Variants in LCA5 observed in about 807,000 individuals in gnomAD.
The protein encoded by LCA5 is lebercilin.
LCA5 carries 37 observed loss-of-function variants against 53.0 expected under a neutral mutation model. The ratio of observed to expected loss-of-function variants is 0.70; its 90% CI spans 0.54 to 0.92. The LOEUF (loss-of-function observed/expected upper bound fraction) is 0.92, where lower values mean the gene tolerates loss of function less well. Ranked by LOEUF, LCA5 falls within the 40% of genes least tolerant of loss-of-function variation. The probability of loss-of-function intolerance (pLI) is 0.00; values close to 1 mark genes in which losing one functional copy is unlikely to be tolerated. For synonymous variants in LCA5, 303 were observed against 282.9 expected (o/e 1.07, Z -0.71); for missense variants, 806 against 790.5 (o/e 1.02, Z -0.23).
At chr6:79,505,792 A>C (rs1164523436) in intron 3 of LCA5, among the ~76,000 whole-genome samples, 1 of 152,184 alleles carries the variant, frequency 6.6e-6, no homozygotes, top group Non-Finnish European at 1.5e-5. Context: ...CCAAGCCACT[A>C]GAGCAAAATA....
intron 3 of LCA5, among the ~76,000 whole-genome samples, chr6:79,512,174 A>C (rs991995426): frequency 2.0e-5 from 3 of 152,160 alleles, no homozygotes; most frequent in Admixed American, 1.3e-4. Flanking sequence ...AACTGTTCTG[A>C]GTCCCCACTC....
chr6:79,486,713 C>G lies in LCA5; in HGVS notation c.*291G>C. The G allele has an allele frequency of 3.5e-6, 1 of 287,864 alleles. No homozygotes were observed. Among genetic ancestry groups the G allele is most frequent in the Non-Finnish European group, 6.4e-6 (1 of 156,340 alleles). 17.8% of individuals were successfully genotyped at this position (287,864 alleles called of 1,614,324 possible). On this transcript the variant is annotated 3_prime_UTR_variant, in exon 8 of 8. Coordinates refer to ENST00000369846, the MANE Select transcript of LCA5 (RefSeq NM_001122769.3). The stretch of plus-strand genomic sequence containing the variant: ...GAATAAAAGTAGAAAAGGAATACCA[C>G]CTCCAGTGCAGTTAAACTTGCCATA...
At chr6:79,516,045 T>C (rs963448265) in intron 2 of LCA5, among the ~76,000 whole-genome samples, 7 of 151,954 alleles carry the variant, frequency 4.6e-5, no homozygotes, top group Non-Finnish European at 7.4e-5. Flanking sequence ...AAAATAAAAA[T>C]AATGCAAAAT....
At chr6:79,506,464 C>T (rs190161250) in intron 3 of LCA5, among the ~76,000 whole-genome samples, 35 of 152,244 alleles carry the variant, frequency 2.3e-4, no homozygotes, top group Admixed American at 1.4e-3. Flanking sequence ...GACTGATCTG[C>T]TATTGCATCC....
chr6:79,494,628 A>G, intron 3 of LCA5, among the ~76,000 whole-genome samples: 1 of 152,202 alleles, frequency 6.6e-6, no homozygotes, highest in East Asian at 1.9e-4. Flanking sequence ...TTTGATGTAT[A>G]TAATTTGAGA....
At chr6:79,511,913 T>C (rs1770417935) in intron 3 of LCA5, among the ~76,000 whole-genome samples, 1 of 152,108 alleles carries the variant, frequency 6.6e-6, no homozygotes, top group East Asian at 1.9e-4. Context: ...TCCTTCTTTT[T>C]CTTCTCCCTC....
chr6:79,526,878 A>AT (rs1211278314), intron 1 of LCA5, among the ~76,000 whole-genome samples: 1 of 152,142 alleles, frequency 6.6e-6, no homozygotes, highest in Non-Finnish European at 1.5e-5. Flanking sequence ...GGGCTCCTAT[A>AT]TTTTGGCAGA....
At chr6:79,538,025 T>TG (rs1767208997), upstream of LCA5, among the ~76,000 whole-genome samples, 5 of 74,104 alleles carry the variant, frequency 6.7e-5, no homozygotes, top group African/African-American at 2.4e-4. Context: ...CAAGTTTTTT[T>TG]TTTTTTTTTT....
Position 79,492,597 on chromosome 6 carries a change from T to C in LCA5, c.909A>G (p.Pro303=). ...DIKNIYSNRL[P]KSSPNKEKEL... ...CTTTCTCTTTATTTGGAGAGGACTT[T>C]GGCAGACGATTAGAATATATATTTT... The change falls in exon 5 of 8, where the codon CCA becomes CCG. Residue 303 remains proline, a synonymous_variant. Coordinates refer to ENST00000369846, the MANE Select transcript of LCA5 (RefSeq NM_001122769.3). The C allele has an allele frequency of 1.3e-6, 2 of 1,571,388 alleles. No individual in the cohort carries two copies. Among genetic ancestry groups the C allele is most frequent in the South Asian group, 2.3e-5 (2 of 87,900 alleles).
At chr6:79,513,861 T>C in intron 2 of LCA5, 120 bp from the exon 3 acceptor site, 1 of 911,124 alleles carries the variant, frequency 1.1e-6, no homozygotes, top group Non-Finnish European at 1.7e-6. Flanking sequence ...AAGAAAGGAT[T>C]TTACAATATT....
Position 79,491,648 on chromosome 6 carries a change from T to C in LCA5, c.1038A>G (p.Leu346=). 6.2e-7 allele frequency: 1 copy of C among 1,613,224 alleles called. No homozygotes were observed. Among genetic ancestry groups the C allele is most frequent in the Non-Finnish European group, 8.5e-7 (1 of 1,179,334 alleles). ...MEDFKPEEYP[L]TPETIMCYEN... ...CGTAACACATAATTGTTTCTGGAGT[T>C]AAAGGATATTCTTCTGGCTTGAAGT... Residue 346 remains leucine, a synonymous_variant, in exon 6 of 8, where the codon TTA becomes TTG. Coordinates refer to ENST00000369846, the MANE Select transcript of LCA5 (RefSeq NM_001122769.3).
chr6:79,538,018 GTTTTTTTTTTTTTTTTTTT>G (rs869197362), upstream of LCA5, among the ~76,000 whole-genome samples: 17 of 44,164 alleles, frequency 3.8e-4, no homozygotes, highest in East Asian at 3.2e-3. Flanking sequence ...TTGCACACAA[GTTTTTTTTTTTTTTTTTTT>G]TTTTTTTTTT....
chr6:79,499,778 C>T (rs1290813208), intron 3 of LCA5, among the ~76,000 whole-genome samples: 5 of 150,694 alleles, frequency 3.3e-5, no homozygotes, highest in Admixed American at 1.3e-4. Context: ...ATGTGCCATG[C>T]TGGTGTGCTG....
chr6:79,490,801 T>G (rs1769816265), intron 6 of LCA5, among the ~76,000 whole-genome samples: 1 of 152,086 alleles, frequency 6.6e-6, no homozygotes, highest in East Asian at 1.9e-4. Context: ...AAATATACCA[T>G]TGTATGAAAT....
In LCA5 at chr6:79,493,674, T is replaced by C; in HGVS notation, c.797A>G (p.Glu266Gly). Residue 266 changes from glutamate to glycine, a missense_variant, in exon 4 of 8, where the codon GAG (glutamate) becomes GGG (glycine). Glu to Gly is a moderately conservative substitution (Grantham distance 98). Transcript: ENST00000369846. ...AAGAACTTTATTTTCATCATGAGCC[T>C]CATATGCCCTTTTCCTTTCAGCAAG... is the stretch of plus-strand genomic sequence containing the variant. ...QLLAERKRAY[E>G]AHDENKVLQK... 6.2e-7 allele frequency: 1 copy of C among 1,613,502 alleles called. No homozygotes were observed. Among genetic ancestry groups the C allele is most frequent in the Non-Finnish European group, 8.5e-7 (1 of 1,179,470 alleles).
rs1270554539 is a variant in LCA5 at position 79,486,262 on chromosome 6, G to C, written c.*742C>G. 6.6e-6 allele frequency: 1 copy of C among 152,170 alleles called. No individual in the cohort carries two copies. The highest frequency in any genetic ancestry group is 1.5e-5 in the Non-Finnish European group (1 of 68,040). 9.4% of individuals were successfully genotyped at this position (152,170 alleles called of 1,614,324 possible). ...TCACTGAGATACAAAGAGTGTAGGAGAACAAGGAGAGGAATTACACTGTAG... is the reference window on the plus strand; with the variant it reads ...TCACTGAGATACAAAGAGTGTAGGACAACAAGGAGAGGAATTACACTGTAG... On this transcript the variant is annotated 3_prime_UTR_variant, in exon 8 of 8. Coordinates refer to ENST00000369846, the MANE Select transcript of LCA5 (RefSeq NM_001122769.3).
At chr6:79,491,566 A>G in intron 6 of LCA5, 22 bp downstream of exon 6, 1 of 1,611,852 alleles carries the variant, frequency 6.2e-7, no homozygotes. Context: ...AGTTTGGTAC[A>G]TAACAATACT....
rs1283987592 is a variant in LCA5, at chr6:79,491,691, C to T, written c.995G>A (p.Gly332Glu). 6.2e-7 allele frequency: 1 copy of T among 1,612,906 alleles called. No homozygotes were observed. Among genetic ancestry groups the T allele is most frequent in the Non-Finnish European group, 8.5e-7 (1 of 1,179,194 alleles). Residue 332 changes from glycine (G) to glutamate (E), a missense_variant, in exon 6 of 8, where the codon GGA becomes GAA. Gly to Glu is a moderately conservative substitution (Grantham distance 98). Coordinates refer to ENST00000369846, the MANE Select transcript of LCA5 (RefSeq NM_001122769.3). ...CTTGAAGTCTTCCATGGTTTGTACT[C>T]CTTTTGTACACAGGTCTGCAAAATC... ...QSDFADLCTKGVQTMEDFKPE... is the reference protein window; with the variant it reads ...QSDFADLCTKEVQTMEDFKPE...
At chr6:79,510,968 G>A (rs79916571) in intron 3 of LCA5, among the ~76,000 whole-genome samples, 3,368 of 151,524 alleles carry the variant, frequency 0.022, 122 homozygotes, top group African/African-American at 0.077. Context: ...ACTACTGACG[G>A]GACAATAAAA....
Sources: allele counts gnomAD v4.1 joint callset (sites outside exome capture counted in the v4.1 genomes callset), GRCh38; gene constraint gnomAD v4.1.1; transcripts MANE v1.5; gene names NCBI Gene and HGNC (gene_info 2026-07-23, HGNC 2026-07-21).